The following AKNA variants were observed in gnomAD, a reference collection of about 807,000 sequenced individuals.
AKNA encodes AT-hook transcription factor.
Under a neutral mutation model 138.8 loss-of-function variants are expected in AKNA, and 67 were observed. The ratio of observed to expected loss-of-function variants is 0.48; its 90% CI spans 0.40 to 0.59. The LOEUF is 0.59. Among genes scored for constraint, AKNA ranks in the 20% least tolerant of loss-of-function variants. AKNA has a pLI of 0.00. For synonymous variants in AKNA, 737 were observed against 754.4 expected (o/e 0.98, Z 0.38); for missense variants, 1,813 against 1,880.4 (o/e 0.96, Z 0.66).
intron 20 of AKNA, 72 bp from the exon 21 acceptor site, chr9:114,341,797 C>T: frequency 6.8e-7 from 1 of 1,479,632 alleles, no homozygotes; most frequent in Non-Finnish European, 9.1e-7. Flanking sequence ...ATGGAGGGTC[C>T]ACCCAGCCCT....
intron 2 of AKNA, 132 bp from the exon 3 acceptor site, chr9:114,377,664 G>C (rs1272260872): frequency 1.0e-6 from 1 of 955,348 alleles, no homozygotes; most frequent in Non-Finnish European, 1.5e-6. Context: ...CCAAGGTGGT[G>C]GTAGACTTAG....
rs762430736 is a variant in AKNA, at chr9:114,377,310, C to T, written c.497G>A (p.Gly166Asp). ...GNTSPMALGH[G>D]QARGWVASGE... ...AGAAGCCACCCAGCCCCTGGCCTGA[C>T]CATGCCCAAGAGCCATGGGGCTGGT... The change falls in exon 3 of 22, where the codon GGT becomes GAT. Residue 166 changes from glycine to aspartate, a missense_variant. Transcript: ENST00000374088. The T allele has an allele frequency of 6.2e-7, 1 of 1,614,008 alleles. No homozygotes were observed. Among genetic ancestry groups the T allele is most frequent in the African/African-American group, 1.3e-5 (1 of 74,940 alleles).
downstream of AKNA, chr9:114,331,518 C>T (rs1294750196): frequency 6.8e-7 from 1 of 1,469,802 alleles, no homozygotes; most frequent in African/African-American, 1.4e-5. Context: ...AAGACAGGCA[C>T]CATTGTGCCA....
rs554147707 is a variant in AKNA, at chr9:114,374,060, G to T, written c.1416+33C>A. ...AAAGTGTCACCTCCTCGGGGACTTG[G>T]GCCCATGCCTCCACCCCATCCCGGC... is the stretch of plus-strand genomic sequence containing the variant. On this transcript the variant is annotated intron_variant, in intron 4 of 21. Transcript: ENST00000374088. The T allele has an allele frequency of 1.2e-5, 18 of 1,549,964 alleles. No homozygotes were observed. In the East Asian group the frequency reaches 4.2e-4, roughly 36 times the overall value.
intron 14 of AKNA, among the ~76,000 whole-genome samples, chr9:114,351,298 T>TC (rs2131850796): frequency 6.6e-6 from 1 of 152,212 alleles, no homozygotes; most frequent in East Asian, 1.9e-4. Flanking sequence ...TTCAGGAACT[T>TC]CCCCTGCAAA....
At chr9:114,337,442 T>A in intron 21 of AKNA, 136 bp from the exon 22 acceptor site, 1 of 904,882 alleles carries the variant, frequency 1.1e-6, no homozygotes. Flanking sequence ...TCAGTTTCTT[T>A]ACCTCTAAAA....
chr9:114,330,941 C>G (rs1829841499), downstream of AKNA: 1 of 1,187,298 alleles, frequency 8.4e-7, no homozygotes, highest in African/African-American at 1.5e-5. Context: ...GGATGTAGAG[C>G]CCTGGAGGCT....
rs145544680 is a variant in AKNA at position 114,337,147 on chromosome 9, G to A, written c.4227C>T (p.Ala1409=). ...NKALSRAVQA[A]ESVRSTTRQM... ...GCCTGGTGGTAGAGCGGACGCTCTC[G>A]GCAGCCTGCACGGCCCGGCTCAGGG... is the stretch of plus-strand genomic sequence containing the variant. The change falls in exon 22 of 22, where the codon GCC becomes GCT. Residue 1409 remains alanine, a synonymous_variant. Transcript: ENST00000374088. The A allele has an allele frequency of 6.2e-5, 100 of 1,610,592 alleles. No homozygotes were observed. The African/African-American group carries it at 9.6e-4, about 15-fold the overall frequency.
chr9:114,373,796 G>C (rs80151667), intron 4 of AKNA, among the ~76,000 whole-genome samples: 1 of 149,630 alleles, frequency 6.7e-6, no homozygotes, highest in East Asian at 2.0e-4. Context: ...TGAAGCAAGA[G>C]GATCCCTTGA....
rs767615647 is a variant in AKNA, at chr9:114,359,625, G to T, written c.2461C>A (p.Gln821Lys). ...GGAGCCCCATGACTTTTCTCAGCCT[G>T]CACCGGGCACTGCCTTGGGAGGACC... Reference protein sequence around the residue: ...TRVLPRQCPVQAEKSHGAPLE... With the variant: ...TRVLPRQCPVKAEKSHGAPLE... The change falls in exon 11 of 22, where the codon CAG becomes AAG. Residue 821 changes from glutamine (Q) to lysine (K), a missense_variant. By Grantham distance (53) the Gln-to-Lys change is moderately conservative (BLOSUM62 1). Transcript: ENST00000374088. 21 of 1,610,094 alleles carry T rather than the reference G, an allele frequency of 1.3e-5. No individual in the cohort carries two copies. Among genetic ancestry groups the T allele is most frequent in the Non-Finnish European group, 1.8e-5 (21 of 1,179,884 alleles).
chr9:114,346,075 G>T (rs1366560387), intron 17 of AKNA, 66 bp from the exon 18 acceptor site: 26 of 1,529,352 alleles, frequency 1.7e-5, no homozygotes, highest in Non-Finnish European at 2.3e-5. Flanking sequence ...CAAGGAGTGG[G>T]TATGCCATGA....
chr9:114,397,267 T>TA (rs1834562921), upstream of AKNA, among the ~76,000 whole-genome samples: 1 of 152,212 alleles, frequency 6.6e-6, no homozygotes, highest in Non-Finnish European at 1.5e-5. Context: ...AGGCCCTCTC[T>TA]AACAGATGGG....
chr9:114,357,809 C>T, intron 12 of AKNA, 112 bp downstream of exon 12: 1 of 1,511,240 alleles, frequency 6.6e-7, no homozygotes, highest in Non-Finnish European at 8.9e-7. Flanking sequence ...GGGACAGGAG[C>T]AGCAAGTATT....
chr9:114,347,300 A>G (rs1588952403), intron 16 of AKNA, among the ~76,000 whole-genome samples: 1 of 151,886 alleles, frequency 6.6e-6, no homozygotes, highest in African/African-American at 2.4e-5. Context: ...GCTCACTGCA[A>G]CCTCCGCCTC....
At chr9:114,350,746 C>A (rs760017969) in intron 15 of AKNA, 113 bp downstream of exon 15, 12 of 1,268,864 alleles carry the variant, frequency 9.5e-6, no homozygotes, top group Non-Finnish European at 1.2e-5. Flanking sequence ...CTGCTCCTAC[C>A]ACCACCATCT....
chr9:114,353,207 T>G (rs1831252958), intron 14 of AKNA, among the ~76,000 whole-genome samples: 1 of 152,054 alleles, frequency 6.6e-6, no homozygotes, highest in African/African-American at 2.4e-5. Context: ...ATAGTACAAT[T>G]TAGTGAAAAA....
rs1283980702 is a variant in AKNA, at chr9:114,335,543, G to A, written c.*1511C>T. 6.6e-6 allele frequency: 1 copy of A among 152,188 alleles called. No individual in the cohort carries two copies. The highest frequency in any genetic ancestry group is 6.5e-5 in the Admixed American group (1 of 15,276). 9.4% of individuals were successfully genotyped at this position (152,188 alleles called of 1,614,324 possible). ...TCCCAGCAATTTGGGAGGCTGAGGT[G>A]GGTGGATCACCTGAGGCTGGGAGTG... is the stretch of plus-strand genomic sequence containing the variant. On this transcript the variant is annotated 3_prime_UTR_variant, in exon 22 of 22. Coordinates refer to ENST00000374088, the MANE Select transcript of AKNA (RefSeq NM_001317950.2).
At chr9:114,332,705 G>A (rs942337951), downstream of AKNA, among the ~76,000 whole-genome samples, 12 of 152,128 alleles carry the variant, frequency 7.9e-5, no homozygotes, top group South Asian at 2.1e-4. Context: ...CCACTGTCTG[G>A]CTAGGGAGCC....
intron 1 of AKNA, among the ~76,000 whole-genome samples, chr9:114,383,433 C>T (rs756608514): frequency 6.6e-6 from 1 of 152,202 alleles, no homozygotes; most frequent in African/African-American, 2.4e-5. Context: ...GAGCTCCCTG[C>T]CATGGAGGGT....
Sources: allele counts gnomAD v4.1 joint callset (sites outside exome capture counted in the v4.1 genomes callset), GRCh38; gene constraint gnomAD v4.1.1; transcripts MANE v1.5; gene names NCBI Gene and HGNC (gene_info 2026-07-23, HGNC 2026-07-21).